The following FCHSD2 variants were observed in gnomAD, a reference collection of about 807,000 sequenced individuals.
FCHSD2 encodes FCH and double SH3 domains 2, also known as F-BAR and double SH3 domains protein 2.
In FCHSD2, 38 loss-of-function variants were observed where a neutral mutation model predicts 108.1. That is an observed-to-expected ratio of 0.35 (90% CI 0.27 to 0.46). The LOEUF (loss-of-function observed/expected upper bound fraction) is 0.46. FCHSD2 is among the 20% of genes least tolerant of loss of function. The pLI is 1.00. For synonymous variants in FCHSD2, 279 were observed against 314.7 expected (o/e 0.89, Z 1.20); for missense variants, 751 against 897.8 (o/e 0.84, Z 2.09).
At chr11:72,988,597 C>T (rs1366322391) in intron 6 of FCHSD2, among the ~76,000 whole-genome samples, 1 of 152,136 alleles carries the variant, frequency 6.6e-6, no homozygotes, top group Non-Finnish European at 1.5e-5. Flanking sequence ...TTTCCAACTA[C>T]AACTGATTGA....
At chr11:72,886,408 G>A (rs964865308) in intron 12 of FCHSD2, among the ~76,000 whole-genome samples, 2 of 152,050 alleles carry the variant, frequency 1.3e-5, no homozygotes, top group African/African-American at 2.4e-5. Context: ...TTCATCTTAA[G>A]TCTTCTTCTG....
intron 2 of FCHSD2, among the ~76,000 whole-genome samples, chr11:73,122,921 T>C (rs1860767726): frequency 2.0e-5 from 3 of 152,236 alleles, no homozygotes; most frequent in Non-Finnish European, 4.4e-5. Flanking sequence ...AATGTTTTCA[T>C]ACTCTACAAC....
chr11:73,132,035 A>G (rs967980370), intron 2 of FCHSD2, among the ~76,000 whole-genome samples: 1 of 152,184 alleles, frequency 6.6e-6, no homozygotes, highest in Non-Finnish European at 1.5e-5. Context: ...GTGATCCAAC[A>G]TTTGTATTCC....
intron 18 of FCHSD2, 33 bp from the exon 19 acceptor site, chr11:72,840,992 T>C: frequency 6.6e-7 from 1 of 1,512,444 alleles, no homozygotes; most frequent in Non-Finnish European, 9.2e-7. Flanking sequence ...CTCATTTTAC[T>C]TGAGTTGTTG....
In FCHSD2 at chr11:73,041,103, A is replaced by T. The variant is rs749638461; in HGVS notation, c.166-25218T>A. On this transcript the variant is annotated intron_variant, in intron 3 of 19. Transcript: ENST00000409418. ...AAATAGTATTCCATTGTGTATATAAACCATATTTTCTTTATCCATTCATCT... is the reference window on the plus strand; with the variant it reads ...AAATAGTATTCCATTGTGTATATAATCCATATTTTCTTTATCCATTCATCT... Among the ~76,000 whole-genome samples the T allele has an allele frequency of 9.2e-4, 140 of 152,144 alleles. 1 individual carries two copies. Among genetic ancestry groups the T allele is most frequent in the Admixed American group, 2.4e-3 (37 of 15,266 alleles).
intron 3 of FCHSD2, among the ~76,000 whole-genome samples, chr11:73,062,625 G>A (rs552130394): frequency 2.4e-4 from 36 of 152,240 alleles, no homozygotes; most frequent in Admixed American, 4.6e-4. Flanking sequence ...TACACAGCAC[G>A]AGAACTTCAT....
intron 2 of FCHSD2, among the ~76,000 whole-genome samples, chr11:73,132,827 A>AT (rs1861034490): frequency 6.6e-6 from 1 of 151,526 alleles, no homozygotes; most frequent in African/African-American, 2.4e-5. Flanking sequence ...GGTAACAGAA[A>AT]AAAAAAAAAA....
chr11:73,102,535 T>C (rs1309444247), intron 2 of FCHSD2, among the ~76,000 whole-genome samples: 1 of 152,246 alleles, frequency 6.6e-6, no homozygotes, highest in Non-Finnish European at 1.5e-5. Flanking sequence ...GCAGTTGTAC[T>C]CTGCCATGGT....
At chr11:72,949,739 G>C (rs1438779621) in intron 8 of FCHSD2, among the ~76,000 whole-genome samples, 2 of 152,188 alleles carry the variant, frequency 1.3e-5, no homozygotes, top group African/African-American at 4.8e-5. Context: ...ATATTCCACT[G>C]TATGGGTTTA....
chr11:72,930,787 T>A (rs999144698), intron 8 of FCHSD2, among the ~76,000 whole-genome samples: 1 of 152,132 alleles, frequency 6.6e-6, no homozygotes, highest in Non-Finnish European at 1.5e-5. Context: ...CTGACATGAT[T>A]TTTTAATTTT....
At chr11:73,068,491 T>C (rs1304657250) in intron 3 of FCHSD2, among the ~76,000 whole-genome samples, 1 of 151,960 alleles carries the variant, frequency 6.6e-6, no homozygotes, top group Non-Finnish European at 1.5e-5. Flanking sequence ...ATCTTGCATA[T>C]ATACTCCTGA....
At chr11:72,938,953 CAGA>C (rs895564655) in intron 8 of FCHSD2, among the ~76,000 whole-genome samples, 13 of 152,186 alleles carry the variant, frequency 8.5e-5, no homozygotes, top group Middle Eastern at 3.4e-3. Flanking sequence ...GATAGGGTCA[CAGA>C]AGTTTTGGTC....
chr11:73,063,773 C>A (rs1859224787), intron 3 of FCHSD2, among the ~76,000 whole-genome samples: 1 of 152,168 alleles, frequency 6.6e-6, no homozygotes, highest in Non-Finnish European at 1.5e-5. Flanking sequence ...AATACAGGAG[C>A]ATCCAGATTC....
rs191195099 is a variant in FCHSD2 at position 73,129,025 on chromosome 11, C to T, written c.119+11006G>A. Among the ~76,000 whole-genome samples, 4 of 152,222 alleles carry T rather than the reference C, an allele frequency of 2.6e-5. No individual in the cohort carries two copies. In the East Asian group the frequency reaches 7.7e-4, roughly 29 times the overall value. On this transcript the variant is annotated intron_variant, in intron 2 of 19. Transcript: ENST00000409418. The stretch of plus-strand genomic sequence containing the variant: ...TAGCTGGGACTACAGGCATGTGCCA[C>T]CGTGCCTGGCTAATTTTTTGTATTT...
In FCHSD2 at chr11:72,931,449, T is replaced by C. The variant is rs574716034; in HGVS notation, c.706-9499A>G. Among the ~76,000 whole-genome samples the C allele has an allele frequency of 9.3e-5, 14 of 150,706 alleles. No homozygotes were observed. In the East Asian group the frequency reaches 2.7e-3, roughly 29 times the overall value. ...ATAAAATAAAAATTTTAAAAATTAA[T>C]TTAAAAAATAATTTCTAAGTTTTAA... is the stretch of plus-strand genomic sequence containing the variant. On this transcript the variant is annotated intron_variant, in intron 8 of 19. Coordinates refer to ENST00000409418, the MANE Select transcript of FCHSD2 (RefSeq NM_014824.3).
chr11:73,093,584 G>A (rs1860005521), intron 2 of FCHSD2, among the ~76,000 whole-genome samples: 1 of 152,062 alleles, frequency 6.6e-6, no homozygotes, highest in African/African-American at 2.4e-5. Context: ...AATGGTGGTA[G>A]TGAGGATGGG....
At chr11:72,902,243 T>TA (rs1855541816) in intron 10 of FCHSD2, among the ~76,000 whole-genome samples, 1 of 152,206 alleles carries the variant, frequency 6.6e-6, no homozygotes, top group South Asian at 2.1e-4. Flanking sequence ...AGGGAAAATA[T>TA]AATTTACATT....
chr11:72,932,794 A>G (rs1044041069), intron 8 of FCHSD2, among the ~76,000 whole-genome samples: 1 of 152,112 alleles, frequency 6.6e-6, no homozygotes, highest in African/African-American at 2.4e-5. Context: ...TTACCATTCC[A>G]TCTTCTGTGT....
intron 3 of FCHSD2, among the ~76,000 whole-genome samples, chr11:73,021,690 A>G (rs1858109171): frequency 6.6e-6 from 1 of 152,110 alleles, no homozygotes; most frequent in South Asian, 2.1e-4. Context: ...AAACCTGTAC[A>G]TGTTACCCAA....
Sources: allele counts gnomAD v4.1 joint callset (sites outside exome capture counted in the v4.1 genomes callset), GRCh38; gene constraint gnomAD v4.1.1; transcripts MANE v1.5; gene names NCBI Gene and HGNC (gene_info 2026-07-23, HGNC 2026-07-21).